Variants in FRMPD4 observed in about 807,000 individuals in gnomAD.
FRMPD4 encodes the protein FERM and PDZ domain containing 4.
In FRMPD4, 22 loss-of-function variants were observed where a neutral mutation model predicts 94.1. The ratio of observed to expected loss-of-function variants is 0.23; its 90% confidence interval spans 0.17 to 0.33. FRMPD4 has a LOEUF of 0.33. Among genes scored for constraint, FRMPD4 ranks in the 10% least tolerant of loss-of-function variants. The pLI is 1.00. For synonymous variants in FRMPD4, 631 were observed against 548.6 expected, an observed-to-expected ratio of 1.15 and a Z score of -2.10; for missense variants, 1,111 against 1,339.9, an observed-to-expected ratio of 0.83 and a Z score of 2.67.
At chrX:12,551,439 C>T (rs2058536370) in intron 2 of FRMPD4, among the ~76,000 whole-genome samples, 1 of 110,847 alleles carries the variant, frequency 9.0e-6, no homozygotes, top group Non-Finnish European at 1.9e-5. Flanking sequence ...ATTTCCTGTC[C>T]ATGTTCAATT....
chrX:11,834,429 G>T (rs1391691591), intron 1 of FRMPD4, among the ~76,000 whole-genome samples: 1 of 111,821 alleles, frequency 8.9e-6, no homozygotes, highest in Non-Finnish European at 1.9e-5. Flanking sequence ...CCCCTCACGT[G>T]ACAATTACCA....
At chrX:12,231,050 AATAT>A (rs34870506) in intron 1 of FRMPD4, among the ~76,000 whole-genome samples, 3 of 30,572 alleles carry the variant, frequency 9.8e-5, no homozygotes, top group Non-Finnish European at 1.3e-4. Flanking sequence ...ATATATATAA[AATAT>A]ATATATATAT....
At chrX:12,230,947 A>AATAT (rs1469993554) in intron 1 of FRMPD4, among the ~76,000 whole-genome samples, 2 of 75,567 alleles carry the variant, frequency 2.6e-5, no homozygotes, top group East Asian at 3.6e-4. Flanking sequence ...TATATATAGT[A>AATAT]ATATAGTATA....
intron 3 of FRMPD4, among the ~76,000 whole-genome samples, chrX:11,979,858 C>A (rs1416998484): frequency 1.8e-5 from 2 of 111,282 alleles, no homozygotes; most frequent in Non-Finnish European, 1.9e-5. Context: ...AATAGAAGTT[C>A]TTTATTTTAC....
At chrX:11,884,073 G>A (rs1489437289) in intron 3 of FRMPD4, among the ~76,000 whole-genome samples, 1 of 111,410 alleles carries the variant, frequency 9.0e-6, no homozygotes, top group Non-Finnish European at 1.9e-5. Flanking sequence ...TCAGAGGTGG[G>A]ATGAGGTAGG....
At chrX:12,142,452 T>C (rs1184815193) in intron 1 of FRMPD4, among the ~76,000 whole-genome samples, 1 of 111,471 alleles carries the variant, frequency 9.0e-6, no homozygotes, top group East Asian at 2.8e-4. Context: ...TCAGGGTTTT[T>C]CCCATATCCC....
intron 3 of FRMPD4, among the ~76,000 whole-genome samples, chrX:12,028,887 G>A (rs1333336093): frequency 8.9e-6 from 1 of 112,127 alleles, no homozygotes; most frequent in Non-Finnish European, 1.9e-5. Context: ...TCTACTAAAG[G>A]ATGTCTTGGT....
intron 1 of FRMPD4, among the ~76,000 whole-genome samples, chrX:12,200,141 T>G (rs2056615037): frequency 1.8e-5 from 2 of 112,089 alleles, no homozygotes; most frequent in Non-Finnish European, 3.8e-5. Flanking sequence ...TTTCTAATCT[T>G]ATGGCTAATT....
At chrX:12,108,236 T>C (rs2055318754) in intron 3 of FRMPD4, among the ~76,000 whole-genome samples, 1 of 111,813 alleles carries the variant, frequency 8.9e-6, no homozygotes, top group Non-Finnish European at 1.9e-5. Flanking sequence ...CGGCAGAAAC[T>C]CTACAAGCCA....
chrX:12,386,461 C>A (rs193175397), intron 1 of FRMPD4, among the ~76,000 whole-genome samples: 1 of 112,015 alleles, frequency 8.9e-6, no homozygotes, highest in East Asian at 2.8e-4. Flanking sequence ...TAGATGAGAT[C>A]CTCAAAGCAT....
chrX:12,588,925 C>T (rs1314286225), intron 2 of FRMPD4, among the ~76,000 whole-genome samples: 1 of 112,285 alleles, frequency 8.9e-6, no homozygotes, highest in African/African-American at 3.2e-5. Flanking sequence ...AAAGGAGAAT[C>T]ATATGCCACT....
chrX:12,553,712 A>T (rs2058565422), intron 2 of FRMPD4, among the ~76,000 whole-genome samples: 1 of 108,961 alleles, frequency 9.2e-6, no homozygotes, highest in Non-Finnish European at 1.9e-5. Flanking sequence ...TTTTGCCCTG[A>T]TTCTCATGAA....
intron 3 of FRMPD4, among the ~76,000 whole-genome samples, chrX:11,907,629 T>G (rs2147334133): frequency 9.0e-6 from 1 of 111,318 alleles, no homozygotes; most frequent in South Asian, 3.8e-4. Flanking sequence ...ACCAATCCCA[T>G]TCATGAGAGC....
At chrX:12,539,493 C>G (rs757396616) in intron 2 of FRMPD4, among the ~76,000 whole-genome samples, 6 of 111,901 alleles carry the variant, frequency 5.4e-5, no homozygotes, top group African/African-American at 1.9e-4. Flanking sequence ...TTGTCAGATT[C>G]ACCAAAGTTG....
At chrX:12,448,276 G>C (rs1195040836) in intron 1 of FRMPD4, among the ~76,000 whole-genome samples, 1 of 111,855 alleles carries the variant, frequency 8.9e-6, no homozygotes, top group East Asian at 2.8e-4. Flanking sequence ...ACTACATTTA[G>C]AGCTGAAAAG....
chrX:12,592,311 T>C (rs1199964704), intron 2 of FRMPD4, among the ~76,000 whole-genome samples: 1 of 112,147 alleles, frequency 8.9e-6, no homozygotes, highest in Non-Finnish European at 1.9e-5. Flanking sequence ...TCTTCATTAA[T>C]GAAGGTTCCC....
At chrX:12,550,977 A>G (rs916530585) in intron 2 of FRMPD4, among the ~76,000 whole-genome samples, 2 of 110,542 alleles carry the variant, frequency 1.8e-5, no homozygotes, top group Non-Finnish European at 3.8e-5. Flanking sequence ...ATACATATGC[A>G]TATTTTATTT....
At chrX:12,490,654 A>G (rs192429828) in intron 1 of FRMPD4, among the ~76,000 whole-genome samples, 19 of 111,773 alleles carry the variant, frequency 1.7e-4, no homozygotes, top group African/African-American at 5.9e-4. Flanking sequence ...CAGAGGAGAA[A>G]GCTGATGTTT....
chrX:12,675,339 A>G (rs1389339814), intron 5 of FRMPD4, among the ~76,000 whole-genome samples: 2 of 107,059 alleles, frequency 1.9e-5, no homozygotes, highest in Admixed American at 2.0e-4. Context: ...TAGATGTTAT[A>G]TGACATATGG....
Sources: allele counts gnomAD v4.1 joint callset (sites outside exome capture counted in the v4.1 genomes callset), GRCh38; gene constraint gnomAD v4.1.1; transcripts MANE v1.5; gene names NCBI Gene and HGNC (gene_info 2026-07-23, HGNC 2026-07-21).